The following LAMC3 variants were observed in gnomAD, a reference collection of about 807,000 sequenced individuals.
LAMC3 encodes the protein laminin subunit gamma-3.
In LAMC3, 128 loss-of-function variants were observed where a neutral mutation model predicts 173.8. The ratio of observed to expected loss-of-function variants is 0.74; its 90% confidence interval spans 0.64 to 0.85. The LOEUF is 0.85. Ranked by LOEUF, LAMC3 falls within the 40% of genes least tolerant of loss-of-function variation. LAMC3 has a pLI of 0.00. For missense variants in LAMC3, 2,022 were observed against 2,156.0 expected, an observed-to-expected ratio of 0.94 and a Z score of 1.23; for synonymous variants, 897 against 909.1, an observed-to-expected ratio of 0.99 and a Z score of 0.24.
rs775429317 is a variant in LAMC3 at position 131,085,488 on chromosome 9, C to T, written c.4031-36C>T. Reference sequence around the variant, plus strand: ...CCTGGGAGGCACCGGAGGTGTGAGCCCAGTTCCCCTGACCCAGCCTCAGCC... The same window carrying T: ...CCTGGGAGGCACCGGAGGTGTGAGCTCAGTTCCCCTGACCCAGCCTCAGCC... On this transcript the variant is annotated intron_variant, in intron 24 of 27. Coordinates refer to ENST00000361069, the MANE Select transcript of LAMC3 (RefSeq NM_006059.4). 8.7e-6 allele frequency: 14 copies of T among 1,611,610 alleles called. No individual in the cohort carries two copies. In the South Asian group the frequency reaches 1.5e-4, roughly 18 times the overall value.
chr9:131,032,826 G>T (rs971757202), intron 3 of LAMC3, among the ~76,000 whole-genome samples: 1 of 152,068 alleles, frequency 6.6e-6, no homozygotes, highest in Non-Finnish European at 1.5e-5. Context: ...GCGCCACCAC[G>T]CCCGGCTAAT....
intron 1 of LAMC3, among the ~76,000 whole-genome samples, chr9:131,022,511 A>G (rs1475637930): frequency 1.3e-5 from 2 of 152,196 alleles, no homozygotes; most frequent in Admixed American, 1.3e-4. Context: ...TTTAGTATAT[A>G]CACACAGTTG....
At chr9:131,044,478 C>G (rs1003219075) in intron 7 of LAMC3, among the ~76,000 whole-genome samples, 2 of 152,096 alleles carry the variant, frequency 1.3e-5, no homozygotes, top group Admixed American at 6.5e-5. Context: ...CCACTGCACT[C>G]CAGCTTGGGC....
chr9:131,085,146 C>T (rs1830307772), intron 24 of LAMC3, among the ~76,000 whole-genome samples: 1 of 152,128 alleles, frequency 6.6e-6, no homozygotes, highest in Admixed American at 6.6e-5. Context: ...ATTTACCCAT[C>T]ACTATACACT....
chr9:131,052,749 A>G, intron 10 of LAMC3, 66 bp downstream of exon 10: 3 of 1,459,502 alleles, frequency 2.1e-6, no homozygotes, highest in Non-Finnish European at 2.9e-6. Context: ...GTCCGGGCAC[A>G]TTTCAGATGC....
At chr9:131,081,401 G>A (rs941562929) in intron 23 of LAMC3, among the ~76,000 whole-genome samples, 8 of 151,804 alleles carry the variant, frequency 5.3e-5, no homozygotes, top group African/African-American at 1.2e-4. Flanking sequence ...ACAGATTTGC[G>A]ATTTTCACAT....
intron 9 of LAMC3, among the ~76,000 whole-genome samples, chr9:131,050,218 G>A (rs1588151454): frequency 6.6e-6 from 1 of 152,376 alleles, no homozygotes; most frequent in South Asian, 2.1e-4. Context: ...GGGTGAGATG[G>A]ATGGACGGCC....
chr9:131,035,433 G>A (rs878881082), intron 3 of LAMC3, among the ~76,000 whole-genome samples: 1 of 152,056 alleles, frequency 6.6e-6, no homozygotes, highest in African/African-American at 2.4e-5. Flanking sequence ...GGGATGGGGT[G>A]GGGCTGACGG....
chr9:131,057,712 G>A (rs1829722257), intron 12 of LAMC3, among the ~76,000 whole-genome samples: 1 of 152,194 alleles, frequency 6.6e-6, no homozygotes, highest in Admixed American at 6.5e-5. Context: ...TATATACACT[G>A]CTTCTGTTTC....
intron 9 of LAMC3, among the ~76,000 whole-genome samples, chr9:131,050,050 G>T (rs1157780914): frequency 6.6e-6 from 1 of 152,268 alleles, no homozygotes; most frequent in Non-Finnish European, 1.5e-5. Flanking sequence ...CTGCAGCCAG[G>T]AAGTCAAAGG....
chr9:131,091,635 C>A lies in LAMC3; in HGVS notation c.4576C>A (p.Gln1526Lys), dbSNP rs772149233. 1 of 1,602,084 alleles carries A rather than the reference C, an allele frequency of 6.2e-7. No individual in the cohort carries two copies. The highest frequency in any genetic ancestry group is 1.1e-5 in the South Asian group (1 of 89,132). ...GCAGCTGGGCTCCCCGGGGTCCTTG[C>A]AGAGGAAACTCAGTCTGCTGGAGCA... ...RLQLGSPGSL[Q>K]RKLSLLEQES... Residue 1526 changes from glutamine to lysine, a missense_variant, in exon 28 of 28, where the codon CAG becomes AAG. Physicochemically the swap from Gln to Lys is moderately conservative, Grantham distance 53. Coordinates refer to ENST00000361069, the MANE Select transcript of LAMC3 (RefSeq NM_006059.4).
chr9:131,068,398 C>G lies in LAMC3; in HGVS notation c.2747+167C>G, dbSNP rs4740406. Among the ~76,000 whole-genome samples, 114,316 of 152,170 alleles carry G rather than the reference C, an allele frequency of 0.75. 44,116 individuals carry two copies. Among genetic ancestry groups the G allele is most frequent in the Non-Finnish European group, 0.84 (56,935 of 67,984 alleles). On this transcript the variant is annotated intron_variant, in intron 15 of 27. Transcript: ENST00000361069. ...AGCAAAGGGATGGACTCTTGGCATC[C>G]GACTCATGCTCCTGCCAGCCCAGGA...
intron 23 of LAMC3, among the ~76,000 whole-genome samples, chr9:131,081,775 A>AC (rs1227488087): frequency 1.3e-5 from 2 of 152,328 alleles, no homozygotes; most frequent in Admixed American, 6.5e-5. Context: ...GTGCCTGGCC[A>AC]ATAGAACATG....
At chr9:131,057,634 G>C (rs1167375154) in intron 12 of LAMC3, among the ~76,000 whole-genome samples, 2 of 152,198 alleles carry the variant, frequency 1.3e-5, no homozygotes, top group African/African-American at 2.4e-5. Context: ...TCACCCCTTA[G>C]TGGCCATGGG....
chr9:131,036,988 A>G (rs1833957977), intron 4 of LAMC3, among the ~76,000 whole-genome samples: 1 of 152,040 alleles, frequency 6.6e-6, no homozygotes, highest in African/African-American at 2.4e-5. Flanking sequence ...ACACATCTTC[A>G]CTCACAGGCT....
At chr9:131,069,874 C>A in intron 17 of LAMC3, 24 bp downstream of exon 17, 1 of 1,562,552 alleles carries the variant, frequency 6.4e-7, no homozygotes, top group Non-Finnish European at 8.7e-7. Flanking sequence ...GACCCACTCA[C>A]CTTTCCATTC....
At chr9:131,014,742 A>G (rs900394943) in intron 1 of LAMC3, among the ~76,000 whole-genome samples, 1 of 152,236 alleles carries the variant, frequency 6.6e-6, no homozygotes, top group Non-Finnish European at 1.5e-5. Context: ...GGAGGCAGAG[A>G]CGGGAAGATC....
In LAMC3 at chr9:131,087,670, C is replaced by T. The variant is rs567330452; in HGVS notation, c.4377+48C>T. On this transcript the variant is annotated intron_variant, in intron 26 of 27. Transcript: ENST00000361069. ...CCTATCGCCTCCTGCCCCTGGCAGC[C>T]CGGGTGGGGACGCCATTCAAGCTGT... is the stretch of plus-strand genomic sequence containing the variant. 28 of 1,613,808 alleles carry T rather than the reference C, an allele frequency of 1.7e-5. No homozygotes were observed. The East Asian group carries it at 6.2e-4, about 36-fold the overall frequency.
At chr9:131,069,207 C>T (rs781002219) in intron 16 of LAMC3, among the ~76,000 whole-genome samples, 157 bp downstream of exon 16, 8 of 152,202 alleles carry the variant, frequency 5.3e-5, no homozygotes, top group East Asian at 1.9e-4. Context: ...GAGTTGCTCC[C>T]GTGGCAGTGG....
Sources: allele counts gnomAD v4.1 joint callset (sites outside exome capture counted in the v4.1 genomes callset), GRCh38; gene constraint gnomAD v4.1.1; transcripts MANE v1.5; gene names NCBI Gene and HGNC (gene_info 2026-07-23, HGNC 2026-07-21).